Variants in ZNF385C observed in about 807,000 individuals in gnomAD.
The protein encoded by ZNF385C is CTD-2132N18.2.
In ZNF385C, 28 loss-of-function variants were observed where a neutral mutation model predicts 35.4. The ratio of observed to expected loss-of-function variants is 0.79; its 90% CI spans 0.59 to 1.08. ZNF385C has a LOEUF of 1.08. Among genes scored for constraint, ZNF385C ranks in the 50% least tolerant of loss-of-function variants. The pLI, the probability that ZNF385C is intolerant of heterozygous loss-of-function variation, is 0.00. For missense variants in ZNF385C, 605 were observed against 595.6 expected (o/e 1.02, Z -0.16); for synonymous variants, 248 against 248.2 (o/e 1.00, Z 0.01).
At chr17:42,081,259 C>T (rs528286366) in intron 1 of ZNF385C, among the ~76,000 whole-genome samples, 18 of 152,212 alleles carry the variant, frequency 1.2e-4, no homozygotes, top group Admixed American at 3.9e-4. Context: ...TCAGGAGGGG[C>T]CCCTCTGGAG....
chr17:42,052,268 C>T (rs1299669465), intron 2 of ZNF385C, among the ~76,000 whole-genome samples: 4 of 152,182 alleles, frequency 2.6e-5, no homozygotes, highest in Admixed American at 2.0e-4. Context: ...ATCACCCTGG[C>T]TGCCACCAAG....
intron 2 of ZNF385C, chr17:42,040,526 G>A: frequency 8.1e-7 from 1 of 1,232,892 alleles, no homozygotes; most frequent in Non-Finnish European, 1.0e-6. Context: ...TCCAGCAGCA[G>A]GTGGGTGAAG....
At chr17:42,083,463 T>C (rs1489655598) in intron 1 of ZNF385C, among the ~76,000 whole-genome samples, 1 of 151,946 alleles carries the variant, frequency 6.6e-6, no homozygotes, top group Non-Finnish European at 1.5e-5. Context: ...CACCTCGGCC[T>C]CCGAAAGTGT....
At chr17:42,027,995 G>C in intron 7 of ZNF385C, 55 bp downstream of exon 7, 1 of 1,522,640 alleles carries the variant, frequency 6.6e-7, no homozygotes. Context: ...CTGCTGCCCT[G>C]CCCCCCAACC....
chr17:42,064,785 G>A (rs1357976408), intron 1 of ZNF385C, among the ~76,000 whole-genome samples: 3 of 152,010 alleles, frequency 2.0e-5, no homozygotes, highest in African/African-American at 4.8e-5. Context: ...GGCTGGTCTC[G>A]ACCTCCTGAC....
At chr17:42,094,203 G>A (rs113309568) in intron 1 of ZNF385C, among the ~76,000 whole-genome samples, 9,428 of 151,898 alleles carry the variant, frequency 0.062, 370 homozygotes, top group South Asian at 0.099. Flanking sequence ...GGCTGGTTTC[G>A]AACTTCTGAC....
intron 2 of ZNF385C, among the ~76,000 whole-genome samples, chr17:42,052,439 C>T (rs1555657218): frequency 6.6e-6 from 1 of 151,800 alleles, no homozygotes; most frequent in South Asian, 2.1e-4. Flanking sequence ...ACATACCTCC[C>T]CCCACACTTA....
intron 1 of ZNF385C, among the ~76,000 whole-genome samples, chr17:42,092,577 C>G (rs1567998474): frequency 6.6e-6 from 1 of 152,152 alleles, no homozygotes; most frequent in African/African-American, 2.4e-5. Flanking sequence ...AGAATTATTC[C>G]TCTGCTAAAG....
In ZNF385C at chr17:42,036,000, C is replaced by T. The variant is rs60704429; in HGVS notation, c.400-1665G>A. On this transcript the variant is annotated intron_variant, in intron 3 of 8. Transcript: ENST00000692273. ...ATTAATTTGGATTTTTTTTCTTTTC[C>T]TTATTATTTTTTTGAGATGGAGTCT... Among the ~76,000 whole-genome samples the T allele has an allele frequency of 7.2e-3, 1,083 of 150,758 alleles. 30 individuals are homozygous for T. In the East Asian group the frequency reaches 0.082, roughly 11 times the overall value.
chr17:42,044,709 T>C (rs11656776), intron 2 of ZNF385C, among the ~76,000 whole-genome samples: 109,664 of 151,986 alleles, frequency 0.72, 42,196 homozygotes, highest in South Asian at 0.85. Context: ...CCATTCCTTA[T>C]ACACACAGGT....
chr17:42,039,691 G>A (rs930250498), intron 2 of ZNF385C: 2 of 1,232,388 alleles, frequency 1.6e-6, no homozygotes, highest in Non-Finnish European at 2.0e-6. Flanking sequence ...TGGGCCGAGG[G>A]AAGGAGGCCA....
At chr17:42,042,788 T>G in intron 2 of ZNF385C, 2 of 1,225,838 alleles carry the variant, frequency 1.6e-6, no homozygotes, top group Non-Finnish European at 2.0e-6. Flanking sequence ...TGGCTCAGTG[T>G]CCTCCCTTCC....
rs1555655189 is a variant in ZNF385C at position 42,034,192 on chromosome 17, C to G, written c.510+33G>C. ...TCCAGCCCTCTCCCTGCCCAGCCCCCTCCCCAGACCTGCTTTCACTACTTT... is the reference window on the plus strand; with the variant it reads ...TCCAGCCCTCTCCCTGCCCAGCCCCGTCCCCAGACCTGCTTTCACTACTTT... On this transcript the variant is annotated intron_variant, in intron 4 of 8. Transcript: ENST00000692273. 5.9e-6 allele frequency: 9 copies of G among 1,526,598 alleles called. No individual in the cohort carries two copies. In the East Asian group the frequency reaches 7.4e-5, roughly 12 times the overall value. The allele number at this position is 1,526,598 out of a possible 1,614,324, so 94.6% of individuals were successfully genotyped here. A position where few individuals can be genotyped will look rare whatever the true frequency, so the allele number is the denominator to read the frequency against.
At chr17:42,097,103 C>G (rs551551425) in intron 1 of ZNF385C, among the ~76,000 whole-genome samples, 3 of 152,138 alleles carry the variant, frequency 2.0e-5, no homozygotes, top group Admixed American at 1.3e-4. Context: ...AGGCTCCAGG[C>G]ACTGTGCTAA....
Position 42,056,183 on chromosome 17 carries a change from G to T in ZNF385C, c.250+6624C>A, listed in dbSNP as rs150403740. Among the ~76,000 whole-genome samples the T allele has an allele frequency of 4.3e-3, 651 of 152,318 alleles. 3 individuals are homozygous for T. The highest frequency in any genetic ancestry group is 0.015 in the African/African-American group (621 of 41,558). ...AGGCCCACTCTGAATTGGATGACTG[G>T]GTTCTTTCTACCAAGAGACAAGGGA... On this transcript the variant is annotated intron_variant, in intron 2 of 8. Coordinates refer to ENST00000692273, the MANE Select transcript of ZNF385C (RefSeq NM_001392013.1).
chr17:42,082,195 G>A (rs781827076), intron 1 of ZNF385C, among the ~76,000 whole-genome samples: 3 of 152,178 alleles, frequency 2.0e-5, no homozygotes, highest in Non-Finnish European at 2.9e-5. Flanking sequence ...TGAATCCTGG[G>A]CTCCTAGAGG....
At chr17:42,056,963 A>C (rs1004311501) in intron 2 of ZNF385C, among the ~76,000 whole-genome samples, 12 of 152,036 alleles carry the variant, frequency 7.9e-5, no homozygotes, top group Non-Finnish European at 1.3e-4. Flanking sequence ...ATCTCTACAA[A>C]ACTTTTTAAA....
chr17:42,057,214 C>T (rs2053389560), intron 2 of ZNF385C, among the ~76,000 whole-genome samples: 1 of 152,132 alleles, frequency 6.6e-6, no homozygotes, highest in South Asian at 2.1e-4. Flanking sequence ...TACCTAATCT[C>T]CCTGAGCCCC....
At chr17:42,064,721 C>T (rs909964759) in intron 1 of ZNF385C, among the ~76,000 whole-genome samples, 11 of 152,090 alleles carry the variant, frequency 7.2e-5, no homozygotes, top group South Asian at 4.1e-4. Context: ...TCCGCCACCA[C>T]GCCCAGCTAA....
Sources: allele counts gnomAD v4.1 joint callset (sites outside exome capture counted in the v4.1 genomes callset), GRCh38; gene constraint gnomAD v4.1.1; transcripts MANE v1.5; gene names NCBI Gene and HGNC (gene_info 2026-07-23, HGNC 2026-07-21).